Variants in DHX57 observed in about 807,000 individuals in gnomAD.
The protein encoded by DHX57 is putative ATP-dependent RNA helicase DHX57.
A neutral mutation model predicts 156.2 loss-of-function variants in DHX57; 105 were observed. The observed-to-expected ratio is 0.67, with a 90% CI of 0.57 to 0.79. The LOEUF is 0.79. Ranked by LOEUF, DHX57 falls within the 30% of genes least tolerant of loss-of-function variation. DHX57 has a pLI of 0.00. For missense variants in DHX57, 1,847 were observed against 1,661.9 expected (o/e 1.11, Z -1.94); for synonymous variants, 704 against 595.6 (o/e 1.18, Z -2.65).
chr2:38,868,229 A>C lies in DHX57; in HGVS notation c.177T>G (p.Asp59Glu). ...GNRKASSRIW[D>E]DGDDFCIFSE... ...TGAAGATACAAAAGTCATCTCCATCATCCCATATTCTACTGGAGGCCTTTC... is the reference window on the plus strand; with the variant it reads ...TGAAGATACAAAAGTCATCTCCATCCTCCCATATTCTACTGGAGGCCTTTC... The change falls in exon 2 of 24, where the codon GAT becomes GAG. Residue 59 changes from aspartate to glutamate, a missense_variant. Coordinates refer to ENST00000457308, the MANE Select transcript of DHX57 (RefSeq NM_198963.3). 6.2e-7 allele frequency: 1 copy of C among 1,614,050 alleles called. No homozygotes were observed. Among genetic ancestry groups the C allele is most frequent in the South Asian group, 1.1e-5 (1 of 91,080 alleles).
intron 21 of DHX57, chr2:38,811,262 TG>T (rs1670230546): frequency 9.7e-6 from 5 of 516,742 alleles, no homozygotes; most frequent in Admixed American, 2.3e-5. Context: ...GACCTTAATC[TG>T]GGGGGCCAGC....
rs1260926417 is a variant in DHX57, at chr2:38,842,907, T to C, written c.2425+98A>G. 5 of 1,320,000 alleles carry C rather than the reference T, an allele frequency of 3.8e-6. No individual in the cohort carries two copies. In the East Asian group the frequency reaches 9.5e-5, roughly 25 times the overall value. The allele number at this position is 1,320,000 out of a possible 1,614,324, so 81.8% of individuals were successfully genotyped here. A position where few individuals can be genotyped will look rare whatever the true frequency, so the allele number is the denominator to read the frequency against. On this transcript the variant is annotated intron_variant, in intron 12 of 23. Transcript: ENST00000457308. The stretch of plus-strand genomic sequence containing the variant: ...TGATGAATTAAAGGCAATGTAACTA[T>C]GAAACAAGAATCATATTTTTCTTCT...
chr2:38,833,444 A>G (rs532120705), intron 13 of DHX57, among the ~76,000 whole-genome samples: 1 of 152,024 alleles, frequency 6.6e-6, no homozygotes, highest in Admixed American at 6.6e-5. Context: ...CACCCGGCCT[A>G]TTTTTAGATA....
intron 20 of DHX57, among the ~76,000 whole-genome samples, chr2:38,814,811 C>G (rs1244180967): frequency 6.6e-6 from 1 of 151,972 alleles, no homozygotes; most frequent in Non-Finnish European, 1.5e-5. Context: ...CAACTTCCAC[C>G]TCCCGGGTTC....
chr2:38,868,533 G>C, intron 1 of DHX57, 122 bp from the exon 2 acceptor site: 1 of 1,029,062 alleles, frequency 9.7e-7, no homozygotes, highest in Non-Finnish European at 1.4e-6. Flanking sequence ...TATGTAAAAA[G>C]AGCTGGTCTT....
chr2:38,839,873 C>T (rs1396864614), intron 12 of DHX57, among the ~76,000 whole-genome samples: 2 of 151,986 alleles, frequency 1.3e-5, no homozygotes, highest in Non-Finnish European at 2.9e-5. Flanking sequence ...TGCCAAGATT[C>T]CAAAAAGCCA....
intron 13 of DHX57, 133 bp downstream of exon 13, chr2:38,837,698 T>C (rs1013088499): frequency 1.1e-5 from 6 of 560,812 alleles, no homozygotes; most frequent in African/African-American, 9.5e-5. Flanking sequence ...GCAAAGCCTG[T>C]ATTCTTAACC....
chr2:38,866,027 C>T (rs1033458141), intron 2 of DHX57, among the ~76,000 whole-genome samples: 6 of 152,132 alleles, frequency 3.9e-5, no homozygotes, highest in African/African-American at 9.7e-5. Context: ...CAGCAAAATC[C>T]GGTCCATGTT....
In DHX57 at chr2:38,825,641, T is replaced by C. The variant is rs371313297; in HGVS notation, c.3014+206A>G. ...CTTAAGCTCTGTTTTAGGGCCATGC[T>C]CTGCAATGTAAGAGATCTTTATGTG... On this transcript the variant is annotated intron_variant, in intron 16 of 23. Coordinates refer to ENST00000457308, the MANE Select transcript of DHX57 (RefSeq NM_198963.3). Among the ~76,000 whole-genome samples, 28 of 152,258 alleles carry C rather than the reference T, an allele frequency of 1.8e-4. No individual in the cohort carries two copies. The East Asian group carries it at 5.2e-3, about 28-fold the overall frequency.
chr2:38,806,344 G>A (rs562924270), intron 22 of DHX57: 5 of 485,560 alleles, frequency 1.0e-5, no homozygotes, highest in African/African-American at 2.0e-5. Context: ...GCAGGCTTGA[G>A]TACTTTTTGG....
intron 1 of DHX57, among the ~76,000 whole-genome samples, chr2:38,872,307 G>A (rs1033826258): frequency 2.0e-5 from 3 of 152,088 alleles, no homozygotes; most frequent in African/African-American, 7.2e-5. Context: ...CATAAAGTAA[G>A]AACAGAAGAA....
chr2:38,830,116 A>G (rs1250643125), intron 13 of DHX57, among the ~76,000 whole-genome samples: 2 of 152,262 alleles, frequency 1.3e-5, no homozygotes, highest in East Asian at 1.9e-4. Context: ...GTGAAGTGCA[A>G]TGGGATATAA....
chr2:38,840,742 T>G (rs1449045474), intron 12 of DHX57, among the ~76,000 whole-genome samples: 1 of 152,150 alleles, frequency 6.6e-6, no homozygotes, highest in African/African-American at 2.4e-5. Flanking sequence ...TTAGTAACCT[T>G]TGTGCTTAAA....
rs774538329 is a variant in DHX57, at chr2:38,828,595, C to T, written c.2543-159G>A. On this transcript the variant is annotated intron_variant, in intron 13 of 23. Coordinates refer to ENST00000457308, the MANE Select transcript of DHX57 (RefSeq NM_198963.3). Reference sequence around the variant, plus strand: ...AAAATATGCAATAATCTGAGAATTTCGCCTGTGGTCTCAGCTACTCGGCAG... The same window carrying T: ...AAAATATGCAATAATCTGAGAATTTTGCCTGTGGTCTCAGCTACTCGGCAG... Among the ~76,000 whole-genome samples the T allele has an allele frequency of 2.6e-5, 4 of 151,980 alleles. No individual in the cohort carries two copies. The East Asian group carries it at 5.8e-4, about 22-fold the overall frequency.
intron 9 of DHX57, among the ~76,000 whole-genome samples, chr2:38,848,716 T>G (rs1672420797): frequency 6.6e-6 from 1 of 152,202 alleles, no homozygotes; most frequent in African/African-American, 2.4e-5. Flanking sequence ...AATTTATGTT[T>G]CATATATACC....
At chr2:38,810,711 G>T (rs1327730309) in intron 21 of DHX57, 1 of 770,102 alleles carries the variant, frequency 1.3e-6, no homozygotes, top group Non-Finnish European at 2.3e-6. Flanking sequence ...AGAAACCGGT[G>T]TACACCAACT....
rs1672753891 is a variant in DHX57 at position 38,854,059 on chromosome 2, T to C, written c.2025A>G (p.Glu675=). Residue 675 remains glutamate (E), a synonymous_variant, in exon 9 of 24, where the codon GAA becomes GAG. Transcript: ENST00000457308. ...IIVDEVHERT[E]ESDFLLLVLK... is the part of the protein sequence containing the mutation. ...TGGGAAAGTCTTTGTTTTACCTTTCTTCTGTCCTCTCATGAACTTCATCAA... is the reference window on the plus strand; with the variant it reads ...TGGGAAAGTCTTTGTTTTACCTTTCCTCTGTCCTCTCATGAACTTCATCAA... The C allele has an allele frequency of 1.2e-6, 2 of 1,609,704 alleles. No homozygotes were observed. Among genetic ancestry groups the C allele is most frequent in the East Asian group, 4.5e-5 (2 of 44,788 alleles).
intron 12 of DHX57, among the ~76,000 whole-genome samples, chr2:38,841,489 T>C (rs1042662917): frequency 1.3e-5 from 2 of 152,236 alleles, no homozygotes; most frequent in African/African-American, 2.4e-5. Flanking sequence ...CTTATCTTCC[T>C]AAACAACAGA....
chr2:38,811,297 G>T, intron 21 of DHX57: 1 of 524,732 alleles, frequency 1.9e-6, no homozygotes, highest in South Asian at 1.6e-5. Context: ...GCTCAAACCA[G>T]ACCTGATCGT....
Sources: allele counts gnomAD v4.1 joint callset (sites outside exome capture counted in the v4.1 genomes callset), GRCh38; gene constraint gnomAD v4.1.1; transcripts MANE v1.5; gene names NCBI Gene and HGNC (gene_info 2026-07-23, HGNC 2026-07-21).